Variants in SYNPR observed in about 807,000 individuals in gnomAD.
The protein encoded by SYNPR is synaptoporin.
SYNPR carries 23 observed loss-of-function variants against 32.9 expected under a neutral mutation model. The observed-to-expected ratio is 0.70, with a 90% CI of 0.50 to 0.99. The LOEUF (loss-of-function observed/expected upper bound fraction) is 0.99, where lower values mean the gene tolerates loss of function less well. SYNPR is among the 50% of genes least tolerant of loss of function. The probability of loss-of-function intolerance (pLI) is 0.00; values close to 1 mark genes in which losing one functional copy is unlikely to be tolerated. For synonymous variants in SYNPR, 146 were observed against 135.9 expected (o/e 1.07, Z -0.52); for missense variants, 318 against 349.3 (o/e 0.91, Z 0.71).
chr3:63,503,404 T>C (rs1303417646), intron 3 of SYNPR, among the ~76,000 whole-genome samples: 2 of 152,176 alleles, frequency 1.3e-5, no homozygotes, highest in African/African-American at 4.8e-5. Flanking sequence ...GCTTGTCTTC[T>C]TCATTCTCTT....
intron 2 of SYNPR, among the ~76,000 whole-genome samples, chr3:63,264,887 C>G (rs1017663245): frequency 1.3e-5 from 2 of 148,878 alleles, no homozygotes; most frequent in Admixed American, 1.4e-4. Flanking sequence ...CTCACTATCA[C>G]GATAACAGCA....
the SYNPR span, among the ~76,000 whole-genome samples, chr3:63,203,606 C>A: frequency 6.6e-6 from 1 of 152,184 alleles, no homozygotes; most frequent in Non-Finnish European, 1.5e-5. Flanking sequence ...TTCTTGCCTC[C>A]TTCCAATTCA....
chr3:63,301,033 T>G (rs1384720983), intron 2 of SYNPR, among the ~76,000 whole-genome samples: 2 of 152,108 alleles, frequency 1.3e-5, no homozygotes, highest in African/African-American at 2.4e-5. Flanking sequence ...GAAATATGAT[T>G]TGGAAAAGAG....
At chr3:63,246,160 T>G (rs1233207509) in intron 1 of SYNPR, among the ~76,000 whole-genome samples, 1 of 152,052 alleles carries the variant, frequency 6.6e-6, no homozygotes, top group Admixed American at 6.6e-5. Flanking sequence ...CTGTCTAGGC[T>G]CAAAGAAAAA....
At chr3:63,600,574 G>A (rs1452296400) in intron 4 of SYNPR, among the ~76,000 whole-genome samples, 1 of 152,170 alleles carries the variant, frequency 6.6e-6, no homozygotes, top group African/African-American at 2.4e-5. Flanking sequence ...TAATCCCCAT[G>A]TGTCAAGGAC....
chr3:63,276,839 C>A (rs568412690), upstream of SYNPR, among the ~76,000 whole-genome samples: 2 of 152,028 alleles, frequency 1.3e-5, no homozygotes, highest in Admixed American at 1.3e-4. Context: ...GCTGCCTCCC[C>A]CTCCCAGACA....
Position 63,332,975 on chromosome 3 carries a change from G to A in SYNPR, c.84+54233G>A, listed in dbSNP as rs539623935. On this transcript the variant is annotated intron_variant, in intron 2 of 5. Coordinates refer to ENST00000478300, the MANE Select transcript of SYNPR (RefSeq NM_001130003.2). ...TAATACATCCCCCTGCCCCATCTCC[G>A]CCACCAGTTGGACAACCAAAAATGT... 9.2e-5 allele frequency among the ~76,000 whole-genome samples: 14 copies of A among 151,990 alleles called. No individual in the cohort carries two copies. The East Asian group carries it at 1.7e-3, about 19-fold the overall frequency.
upstream of SYNPR, among the ~76,000 whole-genome samples, chr3:63,227,958 C>T (rs1359265724): frequency 6.6e-6 from 1 of 152,096 alleles, no homozygotes; most frequent in African/African-American, 2.4e-5. Flanking sequence ...CAACCAGCAG[C>T]ATCTGCCACA....
intron 3 of SYNPR, among the ~76,000 whole-genome samples, chr3:63,524,842 T>TGTGTGC (rs1701978278): frequency 7.4e-6 from 1 of 135,096 alleles, no homozygotes; most frequent in Admixed American, 8.1e-5. Flanking sequence ...TGTGTGTGTG[T>TGTGTGC]GTGTGTGTGC....
At chr3:63,447,768 C>A (rs540710431) in intron 2 of SYNPR, among the ~76,000 whole-genome samples, 1 of 151,010 alleles carries the variant, frequency 6.6e-6, no homozygotes, top group Admixed American at 6.6e-5. Flanking sequence ...AACACAAATT[C>A]TAGCCAAAAG....
chr3:63,539,435 T>C (rs893657186), intron 3 of SYNPR, among the ~76,000 whole-genome samples: 1 of 152,136 alleles, frequency 6.6e-6, no homozygotes, highest in East Asian at 1.9e-4. Context: ...AGACATATCA[T>C]AGAACTTCCT....
At chr3:63,369,632 C>G (rs1382564450) in intron 2 of SYNPR, among the ~76,000 whole-genome samples, 2 of 152,166 alleles carry the variant, frequency 1.3e-5, no homozygotes, top group Non-Finnish European at 2.9e-5. Context: ...AAGATGGAAT[C>G]AATTTTCCAT....
In SYNPR at chr3:63,569,403, C is replaced by A. The variant is rs940800131; in HGVS notation, c.408+12662C>A. Among the ~76,000 whole-genome samples the A allele has an allele frequency of 9.2e-5, 14 of 152,260 alleles. No individual in the cohort carries two copies. In the East Asian group the frequency reaches 2.5e-3, roughly 27 times the overall value. Reference sequence around the variant, plus strand: ...TTTTGAATTCCAACTTTTGACTACACCCCAGGCCCTGAAATCTTATGCTGT... The same window carrying A: ...TTTTGAATTCCAACTTTTGACTACAACCCAGGCCCTGAAATCTTATGCTGT... On this transcript the variant is annotated intron_variant, in intron 4 of 5. Coordinates refer to ENST00000478300, the MANE Select transcript of SYNPR (RefSeq NM_001130003.2).
chr3:63,364,371 A>G (rs762525291), intron 2 of SYNPR, among the ~76,000 whole-genome samples: 1 of 152,214 alleles, frequency 6.6e-6, no homozygotes, highest in African/African-American at 2.4e-5. Flanking sequence ...ATGTCAATTC[A>G]CAGCCAAATT....
intron 3 of SYNPR, among the ~76,000 whole-genome samples, chr3:63,272,579 T>G (rs2086545914): frequency 6.6e-6 from 1 of 151,884 alleles, no homozygotes; most frequent in South Asian, 2.1e-4. Context: ...AAGTAACACT[T>G]GTTTTATCTA....
At chr3:63,233,571 T>C (rs2086180800) in intron 1 of SYNPR, among the ~76,000 whole-genome samples, 1 of 152,236 alleles carries the variant, frequency 6.6e-6, no homozygotes, top group African/African-American at 2.4e-5. Context: ...CAATTGATTC[T>C]GCATTTTTGA....
intron 3 of SYNPR, among the ~76,000 whole-genome samples, chr3:63,488,170 G>A (rs1701190943): frequency 6.6e-6 from 1 of 152,178 alleles, no homozygotes; most frequent in Non-Finnish European, 1.5e-5. Flanking sequence ...CCAATTTGGG[G>A]AAAATAAAAG....
At chr3:63,608,029 C>A (rs912976556) in intron 4 of SYNPR, among the ~76,000 whole-genome samples, 4 of 151,976 alleles carry the variant, frequency 2.6e-5, no homozygotes, top group Middle Eastern at 3.2e-3. Context: ...TTTTTTCTTT[C>A]CTGGTCGGCA....
At chr3:63,527,417 C>T (rs1296239999) in intron 3 of SYNPR, among the ~76,000 whole-genome samples, 3 of 152,014 alleles carry the variant, frequency 2.0e-5, no homozygotes, top group African/African-American at 4.8e-5. Flanking sequence ...TCCTGTCATT[C>T]CCGTAATAAA....
Sources: gnomAD v4.1 joint callset for allele counts (sites outside exome capture counted in the v4.1 genomes callset) on GRCh38, gnomAD v4.1.1 for gene constraint, MANE v1.5 for transcripts, NCBI Gene and HGNC (gene_info 2026-07-23, HGNC 2026-07-21) for gene names.